The following SLC7A3 variants were observed in gnomAD, a reference collection of about 807,000 sequenced individuals.
SLC7A3 encodes the protein solute carrier family 7 member 3, also known as cationic amino acid transporter 3.
SLC7A3 carries 3 observed loss-of-function variants against 33.2 expected under a neutral mutation model. That is an observed-to-expected ratio of 0.09 (90% CI 0.04 to 0.23). The LOEUF (loss-of-function observed/expected upper bound fraction) is 0.23, where lower values mean the gene tolerates loss of function less well. SLC7A3 is among the 10% of genes least tolerant of loss of function. The pLI is 1.00. For synonymous variants in SLC7A3, 193 were observed against 195.1 expected (o/e 0.99, Z 0.09); for missense variants, 360 against 488.8 (o/e 0.74, Z 2.48).
intron 8 of SLC7A3, 39 bp from the exon 9 acceptor site, chrX:70,927,080 T>C: frequency 8.5e-7 from 1 of 1,175,529 alleles, no homozygotes; most frequent in Non-Finnish European, 1.1e-6. Context: ...AGAACAACCT[T>C]TACTCACTTT....
intron 4 of SLC7A3, 67 bp downstream of exon 4, chrX:70,928,389 C>A (rs2091902155): frequency 6.2e-6 from 7 of 1,130,797 alleles, no homozygotes; most frequent in Non-Finnish European, 8.3e-6. Context: ...ATCCAGAATC[C>A]TTCAGCAGAT....
At chrX:70,930,164 T>C (rs1182684797) in intron 1 of SLC7A3, 142 bp from the exon 2 acceptor site, 6 of 545,038 alleles carry the variant, frequency 1.1e-5, no homozygotes, top group Non-Finnish European at 1.7e-5. Context: ...GGCAAGTCAC[T>C]TTACCTCTAA....
At chrX:70,926,261 G>T in intron 10 of SLC7A3, 83 bp from the exon 11 acceptor site, 1 of 867,467 alleles carries the variant, frequency 1.2e-6, no homozygotes, top group East Asian at 3.4e-5. Flanking sequence ...CCAGAAAAGG[G>T]TGAGTCCAAC....
rs997611682 is a variant in SLC7A3, at chrX:70,927,284, G to A, written c.1284C>T (p.Leu428=). The A allele has an allele frequency of 8.3e-7, 1 of 1,201,259 alleles. No homozygotes were observed. Among genetic ancestry groups the A allele is most frequent in the Non-Finnish European group, 1.1e-6 (1 of 888,184 alleles). ...YSLVSICVLI[L]RYQPDQETKT... is the part of the protein sequence containing the mutation. The stretch of plus-strand genomic sequence containing the variant: ...AGTATGCAGAGGAAGAGTCTCACCT[G>A]AGGATGAGAACACAAATCGACACCA... The change falls in exon 8 of 12, where the codon CTC becomes CTT. Residue 428 remains leucine, a splice_region_variant and synonymous_variant. Transcript: ENST00000374299.
Position 70,926,063 on chromosome X carries a change from T to C in SLC7A3, c.1729+7A>G, listed in dbSNP as rs2091896057. On this transcript the variant is annotated splice_region_variant and intron_variant, in intron 11 of 11. Coordinates refer to ENST00000374299, the MANE Select transcript of SLC7A3 (RefSeq NM_032803.6). ...AAGAAGCCTACTCTTCCCAAGTGGA[T>C]ACCTACCAATCAGCATCCAGACCCC... 1.7e-6 allele frequency: 2 copies of C among 1,208,602 alleles called. No homozygotes were observed. The highest frequency in any genetic ancestry group is 2.3e-4 in the Middle Eastern group (1 of 4,348).
Position 70,926,507 on chromosome X carries a change from A to T in SLC7A3, c.1620+20T>A, listed in dbSNP as rs2091897014. The T allele has an allele frequency of 1.7e-6, 2 of 1,187,514 alleles. No homozygotes were observed. Among genetic ancestry groups the T allele is most frequent in the East Asian group, 6.0e-5 (2 of 33,335 alleles). ...TCTCCCAAGATGGGCTGGCAAGGAA[A>T]AAAGACAGAGTTCATTTACCTTAAA... On this transcript the variant is annotated intron_variant, in intron 10 of 11. Coordinates refer to ENST00000374299, the MANE Select transcript of SLC7A3 (RefSeq NM_032803.6).
Position 70,929,973 on chromosome X carries a change from A to T in SLC7A3, c.25T>A (p.Phe9Ile), listed in dbSNP as rs746035000. The T allele has an allele frequency of 2.5e-6, 3 of 1,201,357 alleles. No individual in the cohort carries two copies. The highest frequency in any genetic ancestry group is 3.4e-6 in the Non-Finnish European group (3 of 888,174). MPWQAFRR[F>I]GQKLVRRRTL... ...CGTCTGCGTACCAGCTTTTGACCAA[A>T]TCTGCGAAATGCTTGCCACGGCATC... Residue 9 changes from phenylalanine to isoleucine, a missense_variant, in exon 2 of 12, where the codon TTT becomes ATT. Transcript: ENST00000374299.
chrX:70,928,281 A>G, intron 4 of SLC7A3, 24 bp from the exon 5 acceptor site: 1 of 1,174,248 alleles, frequency 8.5e-7, no homozygotes, highest in Non-Finnish European at 1.2e-6. Context: ...AGGGTTGGAG[A>G]AGGTAAGGGT....
chrX:70,930,523 T>A (rs1280659903), intron 1 of SLC7A3, among the ~76,000 whole-genome samples: 1 of 111,702 alleles, frequency 9.0e-6, no homozygotes, highest in African/African-American at 3.3e-5. Flanking sequence ...GAGCACCGAC[T>A]CAATTCCATC....
At position 70,929,625 on chromosome X, in the gene SLC7A3, C is replaced by T; in HGVS notation, c.370+3G>A. 1.7e-6 allele frequency: 2 copies of T among 1,204,130 alleles called. No individual in the cohort carries two copies. The highest frequency in any genetic ancestry group is 1.1e-6 in the Non-Finnish European group (1 of 891,555). ...GTTCCCTCCCTCCCCCACCATATCT[C>T]ACCAATGACATAGGAGAGGATGAGG... On this transcript the variant is annotated splice_donor_region_variant and intron_variant, in intron 2 of 11. Coordinates refer to ENST00000374299, the MANE Select transcript of SLC7A3 (RefSeq NM_032803.6).
chrX:70,926,209 T>C (rs1281884314), intron 10 of SLC7A3, 31 bp from the exon 11 acceptor site: 2 of 1,128,299 alleles, frequency 1.8e-6, no homozygotes, highest in Admixed American at 4.7e-5. Context: ...TCTTTGTACA[T>C]ACCACAGGTT....
Position 70,929,685 on chromosome X carries a change from C to T in SLC7A3, c.313G>A (p.Val105Met), listed in dbSNP as rs1282127523. The change falls in exon 2 of 12, where the codon GTG becomes ATG. Residue 105 changes from valine (V) to methionine (M), a missense_variant. Val to Met is a conservative substitution (Grantham distance 21, BLOSUM62 1). Coordinates refer to ENST00000374299, the MANE Select transcript of SLC7A3 (RefSeq NM_032803.6). ...GTGGTGAAGGCCCAGAGTTCACCCACAGTGACATAGCTGTAGAGATATGCC... is the reference window on the plus strand; with the variant it reads ...GTGGTGAAGGCCCAGAGTTCACCCATAGTGACATAGCTGTAGAGATATGCC... ...GSAYLYSYVTVGELWAFTTGW... is the reference protein window; with the variant it reads ...GSAYLYSYVTMGELWAFTTGW... 1 of 1,211,145 alleles carries T rather than the reference C, an allele frequency of 8.3e-7. No individual in the cohort carries two copies. The highest frequency in any genetic ancestry group is 1.1e-6 in the Non-Finnish European group (1 of 895,235).
intron 4 of SLC7A3, 21 bp from the exon 5 acceptor site, chrX:70,928,278 G>C: frequency 8.5e-7 from 1 of 1,179,465 alleles, no homozygotes; most frequent in Non-Finnish European, 1.2e-6. Flanking sequence ...AGAAGGGTTG[G>C]AGAAGGTAAG....
intron 11 of SLC7A3, 48 bp from the exon 12 acceptor site, chrX:70,925,991 G>C (rs2091895859): frequency 2.5e-6 from 3 of 1,209,383 alleles, no homozygotes; most frequent in Non-Finnish European, 3.4e-6. Context: ...GGCTTCATAG[G>C]TTTCCTACTT....
chrX:70,927,326 G>A lies in SLC7A3; in HGVS notation c.1242C>T (p.Thr414=), dbSNP rs1205036742. 8 of 1,209,240 alleles carry A rather than the reference G, an allele frequency of 6.6e-6. No homozygotes were observed. The highest frequency in any genetic ancestry group is 1.8e-5 in the African/African-American group (1 of 56,984). Residue 414 remains threonine, a synonymous_variant, in exon 8 of 12, where the codon ACC becomes ACT. Transcript: ENST00000374299. The part of the protein sequence containing the change: ...TDLVDLMSIG[T]LLAYSLVSIC... ...TCGACACCAGGGAGTAAGCAAGCAG[G>A]GTCCCAATTGACATGAGGTCCACAA...
chrX:70,929,929 C>T lies in SLC7A3; in HGVS notation c.69G>A (p.Met23Ile), dbSNP rs2091907019. The change falls in exon 2 of 12, where the codon ATG becomes ATA. Residue 23 changes from methionine to isoleucine, a missense_variant. Transcript: ENST00000374299. ...LVRRRTLESG[M>I]AETRLARCLS... The stretch of plus-strand genomic sequence containing the variant: ...GGCATCTGGCAAGGCGAGTCTCAGC[C>T]ATGCCTGACTCCAGTGTACGTCTGC... 1.7e-6 allele frequency: 2 copies of T among 1,211,972 alleles called. No individual in the cohort carries two copies. Among genetic ancestry groups the T allele is most frequent in the African/African-American group, 1.7e-5 (1 of 57,936 alleles).
Position 70,926,708 on chromosome X carries a change from T to C in SLC7A3, c.1454-15A>G. On this transcript the variant is annotated splice_polypyrimidine_tract_variant and intron_variant, in intron 9 of 11. Transcript: ENST00000374299. ...CAGCAGGACAGCTTCAAAGGTCAAG[T>C]TGAGAGACATCAAAACCAACTCTTA... The C allele has an allele frequency of 8.5e-7, 1 of 1,179,704 alleles. No homozygotes were observed. Among genetic ancestry groups the C allele is most frequent in the East Asian group, 3.1e-5 (1 of 32,141 alleles).
rs147665669 is a variant in SLC7A3, at chrX:70,925,874, C to T, written c.1799G>A (p.Arg600His). Reference sequence around the variant, plus strand: ...GTCTACAGTTTTGGCTCTAGACTTGCGTGAGGGTTGGTTACTCTTAATCTC... The same window carrying T: ...GTCTACAGTTTTGGCTCTAGACTTGTGTGAGGGTTGGTTACTCTTAATCTC... Reference protein sequence around the residue: ...LEEIKSNQPSRKSRAKTVDLD... With the variant: ...LEEIKSNQPSHKSRAKTVDLD... Residue 600 changes from arginine to histidine, a missense_variant, in exon 12 of 12, where the codon CGC becomes CAC. Transcript: ENST00000374299. 3.6e-4 allele frequency: 440 copies of T among 1,209,210 alleles called. No homozygotes were observed. Among genetic ancestry groups the T allele is most frequent in the Admixed American group, 7.5e-4 (34 of 45,585 alleles).
Position 70,927,923 on chromosome X carries a change from G to T in SLC7A3, c.918C>A (p.Leu306=). Residue 306 remains leucine (L), a synonymous_variant, in exon 6 of 12, where the codon CTC becomes CTA. Transcript: ENST00000374299. ...GCTGGTAGTAAGGCATCATCAGGGT[G>T]AGTGCAGAAGAGACAGCAAAATACG... is the stretch of plus-strand genomic sequence containing the variant. ...FLAYFAVSSA[L]TLMMPYYQLQ... The T allele has an allele frequency of 8.3e-7, 1 of 1,211,204 alleles. No homozygotes were observed. Among genetic ancestry groups the T allele is most frequent in the Admixed American group, 2.2e-5 (1 of 45,984 alleles).
Sources: allele counts gnomAD v4.1 joint callset (sites outside exome capture counted in the v4.1 genomes callset), GRCh38; gene constraint gnomAD v4.1.1; transcripts MANE v1.5; gene names NCBI Gene and HGNC (gene_info 2026-07-23, HGNC 2026-07-21).